ARHGAP35: variants seen among roughly 807,000 people sequenced by gnomAD.
ARHGAP35 encodes rho GTPase-activating protein 35.
A neutral mutation model predicts 111.1 loss-of-function variants in ARHGAP35; 15 were observed. The ratio of observed to expected loss-of-function variants is 0.13; its 90% CI spans 0.09 to 0.21. The LOEUF (loss-of-function observed/expected upper bound fraction) is 0.21, where lower values mean the gene tolerates loss of function less well. ARHGAP35 is among the 10% of genes least tolerant of loss of function. ARHGAP35 has a pLI of 1.00. For missense variants in ARHGAP35, 1,262 were observed against 1,873.0 expected, an observed-to-expected ratio of 0.67 and a Z score of 6.02; for synonymous variants, 643 against 710.3, an observed-to-expected ratio of 0.91 and a Z score of 1.51.
At chr19:46,996,029 A>T (rs1243314183) in intron 5 of ARHGAP35, among the ~76,000 whole-genome samples, 1 of 152,152 alleles carries the variant, frequency 6.6e-6, no homozygotes, top group Non-Finnish European at 1.5e-5. Flanking sequence ...GAGACTGGCC[A>T]CCCGCTCCTC....
intron 1 of ARHGAP35, among the ~76,000 whole-genome samples, chr19:46,902,126 G>C (rs945355557): frequency 6.6e-6 from 1 of 152,152 alleles, no homozygotes; most frequent in Non-Finnish European, 1.5e-5. Context: ...GAGCTGATTT[G>C]ATTACTTAAA....
intron 3 of ARHGAP35, among the ~76,000 whole-genome samples, chr19:46,953,570 C>CTCGCCCTTGAGGA (rs2056423732): frequency 6.6e-6 from 1 of 152,174 alleles, no homozygotes; most frequent in Non-Finnish European, 1.5e-5. Context: ...GAGAACAGTC[C>CTCGCCCTTGAGGA]TCGCCCTTGA....
At chr19:46,868,892 GAT>G (rs2055872837) in intron 1 of ARHGAP35, among the ~76,000 whole-genome samples, 1 of 97,430 alleles carries the variant, frequency 1.0e-5, no homozygotes, top group African/African-American at 4.2e-5. Flanking sequence ...AGCTCACCGT[GAT>G]TTTTTTTTTT....
At chr19:46,961,798 C>T (rs891411122) in intron 3 of ARHGAP35, among the ~76,000 whole-genome samples, 11 of 152,150 alleles carry the variant, frequency 7.2e-5, no homozygotes, top group Admixed American at 2.0e-4. Flanking sequence ...GGCGTGGTGG[C>T]GCACACCTGT....
At chr19:46,864,247 A>G (rs1370351084) in intron 1 of ARHGAP35, among the ~76,000 whole-genome samples, 4 of 151,982 alleles carry the variant, frequency 2.6e-5, no homozygotes, top group African/African-American at 4.8e-5. Context: ...TAATGACTCT[A>G]TGGTTGTGGG....
intron 3 of ARHGAP35, among the ~76,000 whole-genome samples, chr19:46,983,066 A>G (rs1205050214): frequency 6.7e-6 from 1 of 149,350 alleles, no homozygotes; most frequent in Non-Finnish European, 1.5e-5. Context: ...AAAAAAAAAA[A>G]AAAAAAAAAA....
At chr19:46,861,579 C>T (rs2055827907) in intron 1 of ARHGAP35, among the ~76,000 whole-genome samples, 1 of 151,742 alleles carries the variant, frequency 6.6e-6, no homozygotes, top group Non-Finnish European at 1.5e-5. Context: ...CCATAATGCC[C>T]TTCGCTCCTC....
rs1410514036 is a variant in ARHGAP35 at position 46,993,914 on chromosome 19, AG to A, written c.4036+4241del. 1.3e-5 allele frequency among the ~76,000 whole-genome samples: 2 copies of A among 152,212 alleles called. No individual in the cohort carries two copies. The highest frequency in any genetic ancestry group is 2.9e-5 in the Non-Finnish European group (2 of 68,038). ...TCTACCCCTGACCACACACTGGAGCAGGATGGGTTGTTTGTTGTTGTTGTTG... is the reference window on the plus strand; with the variant it reads ...TCTACCCCTGACCACACACTGGAGCAGATGGGTTGTTTGTTGTTGTTGTTG... On this transcript the variant is annotated intron_variant, in intron 5 of 6. Transcript: ENST00000672722. The surrounding 1 kb of genome is among the most constrained non-coding windows in gnomAD (Gnocchi z 4.6).
intron 1 of ARHGAP35, among the ~76,000 whole-genome samples, chr19:46,880,430 C>CA (rs1476139432): frequency 6.0e-5 from 9 of 150,362 alleles, no homozygotes; most frequent in Non-Finnish European, 7.4e-5. Flanking sequence ...AACTCCGTCT[C>CA]AAAAAAAAAG....
intron 3 of ARHGAP35, among the ~76,000 whole-genome samples, chr19:46,961,625 A>G (rs1257166257): frequency 2.0e-5 from 3 of 152,170 alleles, no homozygotes; most frequent in Non-Finnish European, 4.4e-5. Context: ...AAACCTACCC[A>G]TGCTATTAGA....
chr19:46,961,419 C>G (rs2056481733), intron 3 of ARHGAP35, among the ~76,000 whole-genome samples: 1 of 152,090 alleles, frequency 6.6e-6, no homozygotes, highest in Non-Finnish European at 1.5e-5. Context: ...CCAAAATGCT[C>G]TCCAGTATAG....
Position 47,000,673 on chromosome 19 carries a change from C to T in ARHGAP35, c.4485C>T (p.Ala1495=), listed in dbSNP as rs761268420. 9 of 1,586,608 alleles carry T rather than the reference C, an allele frequency of 5.7e-6. No individual in the cohort carries two copies. The highest frequency in any genetic ancestry group is 1.7e-5 in the Admixed American group (1 of 57,736). ...MQPLLPSQLQ[A]EHTL The stretch of plus-strand genomic sequence containing the variant: ...CACTGCTTCCCTCCCAGCTTCAAGC[C>T]GAACACACGCTGTGAGCCACCAAGA... Residue 1495 remains alanine, a synonymous_variant, in exon 7 of 7, where the codon GCC becomes GCT. Coordinates refer to ENST00000672722, the MANE Select transcript of ARHGAP35 (RefSeq NM_004491.5). The surrounding 1 kb of genome is among the most constrained non-coding windows in gnomAD (Gnocchi z 6.9).
intron 1 of ARHGAP35, among the ~76,000 whole-genome samples, chr19:46,911,232 T>C (rs187644042): frequency 6.6e-6 from 1 of 152,354 alleles, no homozygotes; most frequent in Non-Finnish European, 1.5e-5. Flanking sequence ...ATTTTACTTC[T>C]GCCTGATGCC....
chr19:46,890,440 G>A (rs1209776874), intron 1 of ARHGAP35, among the ~76,000 whole-genome samples: 1 of 152,234 alleles, frequency 6.6e-6, no homozygotes, highest in Non-Finnish European at 1.5e-5. Flanking sequence ...ATAGAGAGAT[G>A]AAATGACCAG....
chr19:46,873,138 A>G (rs1274254965), intron 1 of ARHGAP35, among the ~76,000 whole-genome samples: 1 of 152,044 alleles, frequency 6.6e-6, no homozygotes, highest in Non-Finnish European at 1.5e-5. Flanking sequence ...CCGACTTTAC[A>G]GTTTCCAGAG....
chr19:46,964,551 C>T (rs1249671187), intron 3 of ARHGAP35, among the ~76,000 whole-genome samples: 1 of 152,222 alleles, frequency 6.6e-6, no homozygotes, highest in Non-Finnish European at 1.5e-5. Flanking sequence ...AGCCAGCATG[C>T]GCAGCCAGTG....
Position 47,000,266 on chromosome 19 carries a change from A to G in ARHGAP35, c.4143-65A>G. 6.5e-7 allele frequency: 1 copy of G among 1,533,146 alleles called. No homozygotes were observed. Among genetic ancestry groups the G allele is most frequent in the Non-Finnish European group, 8.9e-7 (1 of 1,128,132 alleles). 95.0% of individuals were successfully genotyped at this position (1,533,146 alleles called of 1,614,324 possible). A position where few individuals can be genotyped will look rare whatever the true frequency, so the allele number is the denominator to read the frequency against. On this transcript the variant is annotated intron_variant, in intron 6 of 6. Coordinates refer to ENST00000672722, the MANE Select transcript of ARHGAP35 (RefSeq NM_004491.5). The surrounding 1 kb of genome is among the most constrained non-coding windows in gnomAD (Gnocchi z 6.9). ...GGGCTCAGCCTGGGTGCTGAAGACC[A>G]TGAGCGCCCAGGGCCAGGTGGGGCC...
chr19:46,989,550 A>G lies in ARHGAP35; in HGVS notation c.3911A>G (p.Asn1304Ser), dbSNP rs2056668766. The G allele has an allele frequency of 6.8e-6, 11 of 1,613,776 alleles. No homozygotes were observed. The highest frequency in any genetic ancestry group is 2.2e-5 in the South Asian group (2 of 91,062). Residue 1304 changes from asparagine to serine, a missense_variant, in exon 5 of 7, where the codon AAC becomes AGC. Asn to Ser is a conservative substitution (Grantham distance 46). Around this residue, in one of 8 missense-constraint regions of ARHGAP35, gnomAD observed 45 missense variants for 118.2 expected, o/e 0.38. Coordinates refer to ENST00000672722, the MANE Select transcript of ARHGAP35 (RefSeq NM_004491.5). The surrounding 1 kb of genome is among the most constrained non-coding windows in gnomAD (Gnocchi z 5.3). ...SLQRQFDQDH[N>S]LDLAEKDFTV... is the part of the protein sequence containing the mutation. ...TCTCCTGACTTCCTTTCAGACCACA[A>G]CCTGGACCTGGCAGAGAAAGACTTT...
Position 47,001,081 on chromosome 19 carries a change from G to T in ARHGAP35, c.*393G>T, listed in dbSNP as rs1277113078. ...GGGGAGGAGGATGCTCTGAGATTCAGGGTGGGGCTGGCAACCCCTGAAGAG... is the reference window on the plus strand; with the variant it reads ...GGGGAGGAGGATGCTCTGAGATTCATGGTGGGGCTGGCAACCCCTGAAGAG... On this transcript the variant is annotated 3_prime_UTR_variant, in exon 7 of 7. Transcript: ENST00000672722. This position sits in a 1 kb window ranked among gnomAD's most constrained non-coding sequence, Gnocchi z 5.4. 1.5e-6 allele frequency: 2 copies of T among 1,291,818 alleles called. No homozygotes were observed. Among genetic ancestry groups the T allele is most frequent in the Non-Finnish European group, 2.0e-6 (2 of 998,854 alleles). The allele number at this position is 1,291,818 out of a possible 1,614,324, so 80.0% of individuals were successfully genotyped here.
Sources: allele counts gnomAD v4.1 joint callset (sites outside exome capture counted in the v4.1 genomes callset), GRCh38; gene constraint gnomAD v4.1.1; regional missense constraint gnomAD v4.1.1; non-coding constraint Gnocchi (gnomAD v3.1); transcripts MANE v1.5; gene names NCBI Gene and HGNC (gene_info 2026-07-23, HGNC 2026-07-21).